KIDINS220: variants seen among roughly 807,000 people sequenced by gnomAD.
KIDINS220 encodes the protein kinase D interacting substrate 220.
In KIDINS220, 63 loss-of-function variants were observed where a neutral mutation model predicts 157.6. The observed-to-expected ratio is 0.40, with a 90% CI of 0.33 to 0.49. The LOEUF is 0.49. Ranked by LOEUF, KIDINS220 falls within the 20% of genes least tolerant of loss-of-function variation. The probability of loss-of-function intolerance (pLI) is 0.66; values close to 1 mark genes in which losing one functional copy is unlikely to be tolerated. For synonymous variants in KIDINS220, 732 were observed against 783.6 expected (o/e 0.93, Z 1.10); for missense variants, 1,772 against 2,171.2 (o/e 0.82, Z 3.65).
intron 2 of KIDINS220, among the ~76,000 whole-genome samples, chr2:8,823,149 G>A (rs1678249053): frequency 6.6e-6 from 1 of 151,922 alleles, no homozygotes; most frequent in Admixed American, 6.6e-5. Flanking sequence ...TTTTTTAGAA[G>A]TAGGGTCTCA....
chr2:8,804,109 A>G (rs1675106603), intron 7 of KIDINS220, among the ~76,000 whole-genome samples: 1 of 152,226 alleles, frequency 6.6e-6, no homozygotes, highest in African/African-American at 2.4e-5. Flanking sequence ...GGTGGAAGGT[A>G]TGTCATCTGC....
intron 26 of KIDINS220, among the ~76,000 whole-genome samples, chr2:8,743,641 G>A (rs1002988472): frequency 2.0e-5 from 3 of 152,208 alleles, no homozygotes; most frequent in South Asian, 2.1e-4. Context: ...GGTGGTGAGC[G>A]CCATGGTCTC....
chr2:8,738,436 A>C (rs1275750980), intron 26 of KIDINS220, among the ~76,000 whole-genome samples: 1 of 152,254 alleles, frequency 6.6e-6, no homozygotes, highest in East Asian at 1.9e-4. Flanking sequence ...AAAACTTTAC[A>C]GGCTGAAACC....
Position 8,796,836 on chromosome 2 carries a change from T to C in KIDINS220, c.1033A>G (p.Met345Val). Reference sequence around the variant, plus strand: ...AGCTCCACCACTTCAATGTTTCTCATCTTGGTAGCCTTTATAAGTGGCGTT... The same window carrying C: ...AGCTCCACCACTTCAATGTTTCTCACCTTGGTAGCCTTTATAAGTGGCGTT... ...GETPLIKATK[M>V]RNIEVVELLL... The change falls in exon 11 of 30, where the codon ATG becomes GTG. Residue 345 changes from methionine (M) to valine (V), a missense_variant. Around this residue, in one of 3 missense-constraint regions of KIDINS220, gnomAD observed 725 missense variants for 1,017.1 expected, o/e 0.71. Coordinates refer to ENST00000256707, the MANE Select transcript of KIDINS220 (RefSeq NM_020738.4). 6.2e-7 allele frequency: 1 copy of C among 1,614,232 alleles called. No individual in the cohort carries two copies. The highest frequency in any genetic ancestry group is 8.5e-7 in the Non-Finnish European group (1 of 1,180,032).
intron 24 of KIDINS220, chr2:8,749,229 C>T: frequency 4.4e-6 from 1 of 226,198 alleles, no homozygotes; most frequent in Non-Finnish European, 9.0e-6. Context: ...CACATTTATC[C>T]TAAATTCTCT....
intron 22 of KIDINS220, among the ~76,000 whole-genome samples, chr2:8,760,246 C>A (rs999825883): frequency 6.6e-6 from 1 of 152,204 alleles, no homozygotes; most frequent in African/African-American, 2.4e-5. Context: ...AAAGCTTCTC[C>A]TCCATCTTCA....
At chr2:8,803,470 A>G (rs893738879) in intron 7 of KIDINS220, among the ~76,000 whole-genome samples, 3 of 152,166 alleles carry the variant, frequency 2.0e-5, no homozygotes, top group Admixed American at 6.5e-5. Context: ...TTTAACACCT[A>G]TATAGAATGT....
At chr2:8,764,762 T>C (rs532553180) in intron 22 of KIDINS220, among the ~76,000 whole-genome samples, 31 of 152,334 alleles carry the variant, frequency 2.0e-4, no homozygotes, top group Admixed American at 4.6e-4. Flanking sequence ...ATTCATGCCT[T>C]CCTCAATCCA....
chr2:8,827,178 G>A, intron 1 of KIDINS220, 49 bp from the exon 2 acceptor site: 1 of 719,618 alleles, frequency 1.4e-6, no homozygotes, highest in Non-Finnish European at 2.3e-6. Flanking sequence ...AAAAAATTAA[G>A]TTACTATTAA....
intron 27 of KIDINS220, among the ~76,000 whole-genome samples, chr2:8,735,064 A>G (rs1481718715): frequency 6.6e-6 from 1 of 152,196 alleles, no homozygotes; most frequent in Admixed American, 6.5e-5. Flanking sequence ...TTTGTTTTCT[A>G]ATCTTAGAAA....
Position 8,798,288 on chromosome 2 carries a change from C to A in KIDINS220, c.913G>T (p.Ala305Ser). The change falls in exon 10 of 30, where the codon GCT becomes TCT. Residue 305 changes from alanine (A) to serine (S), a missense_variant. Transcript: ENST00000256707. ...CCTTTCTCAACAGCCCAATACAAAG[C>A]AGTTTTATTATCCTAGATAATTAAA... The part of the protein sequence containing the change: ...IDIRGQDNKT[A>S]LYWAVEKGNA... The A allele has an allele frequency of 3.8e-6, 6 of 1,597,816 alleles. No individual in the cohort carries two copies. Among genetic ancestry groups the A allele is most frequent in the Non-Finnish European group, 5.1e-6 (6 of 1,165,584 alleles).
intron 19 of KIDINS220, 30 bp downstream of exon 19, chr2:8,778,866 C>T (rs1483319628): frequency 6.2e-7 from 1 of 1,610,412 alleles, no homozygotes; most frequent in South Asian, 1.1e-5. Context: ...CTATTTCAAA[C>T]TCAAAGTACT....
At chr2:8,790,694 T>C (rs894252863) in intron 13 of KIDINS220, among the ~76,000 whole-genome samples, 12 of 152,154 alleles carry the variant, frequency 7.9e-5, no homozygotes, top group Non-Finnish European at 1.5e-4. Context: ...GAGCTGCTAA[T>C]AGAGGGAGCA....
intron 22 of KIDINS220, among the ~76,000 whole-genome samples, chr2:8,769,004 G>C (rs941951645): frequency 1.3e-5 from 2 of 152,108 alleles, no homozygotes; most frequent in African/African-American, 4.8e-5. Context: ...TATTTCACCA[G>C]GAAGAGAAGA....
At chr2:8,766,546 G>A (rs1036716462) in intron 22 of KIDINS220, among the ~76,000 whole-genome samples, 5 of 152,070 alleles carry the variant, frequency 3.3e-5, no homozygotes, top group Non-Finnish European at 5.9e-5. Context: ...CAAGCTCCTC[G>A]GGGCAGGGAT....
Position 8,827,019 on chromosome 2 carries a change from A to T in KIDINS220, c.75T>A (p.Leu25=). The change falls in exon 2 of 30, where the codon CTT becomes CTA. Residue 25 remains leucine (L), a synonymous_variant. Transcript: ENST00000256707. ...TCTCATCTACATCTTTGCATTTTTC[A>T]AGAAGAGCTTTCAGAGCAGGAATGT... ...EENIPALKAL[L]EKCKDVDERN... 6.2e-7 allele frequency: 1 copy of T among 1,610,170 alleles called. No individual in the cohort carries two copies. The highest frequency in any genetic ancestry group is 8.5e-7 in the Non-Finnish European group (1 of 1,177,454).
chr2:8,779,976 C>T lies in KIDINS220; in HGVS notation c.2230-162G>A, dbSNP rs1671475293. Among the ~76,000 whole-genome samples, 3 of 152,244 alleles carry T rather than the reference C, an allele frequency of 2.0e-5. No individual in the cohort carries two copies. The South Asian group carries it at 6.2e-4, about 32-fold the overall frequency. On this transcript the variant is annotated intron_variant, in intron 17 of 29. Coordinates refer to ENST00000256707, the MANE Select transcript of KIDINS220 (RefSeq NM_020738.4). ...ACTTAAAATAAGAGCGAGTGCTTCA[C>T]AATTTACCAAGTGACTACACATAAA...
intron 4 of KIDINS220, among the ~76,000 whole-genome samples, chr2:8,814,531 A>G (rs910140554): frequency 2.6e-5 from 4 of 152,144 alleles, no homozygotes; most frequent in African/African-American, 9.7e-5. Flanking sequence ...GGAAGTAGGC[A>G]CTCTTCCTTA....
At chr2:8,733,170 G>A (rs1220269228) in intron 29 of KIDINS220, among the ~76,000 whole-genome samples, 1 of 152,128 alleles carries the variant, frequency 6.6e-6, no homozygotes, top group Non-Finnish European at 1.5e-5. Flanking sequence ...AGCTCAAGTG[G>A]CCTAATCCCT....
Sources: gnomAD v4.1 joint callset for allele counts (sites outside exome capture counted in the v4.1 genomes callset) on GRCh38, gnomAD v4.1.1 for gene constraint, gnomAD v4.1.1 regional missense constraint, MANE v1.5 for transcripts, NCBI Gene and HGNC (gene_info 2026-07-23, HGNC 2026-07-21) for gene names.